The following PLCL2 variants were observed in gnomAD, a reference collection of about 807,000 sequenced individuals.
PLCL2 encodes phospholipase C like 2, also known as inactive phospholipase C-like protein 2.
In PLCL2, 4 loss-of-function variants were observed where a neutral mutation model predicts 79.6. The observed-to-expected ratio is 0.05, with a 90% CI of 0.02 to 0.11. The LOEUF (loss-of-function observed/expected upper bound fraction) is 0.11, where lower values mean the gene tolerates loss of function less well. Among genes scored for constraint, PLCL2 ranks in the 10% least tolerant of loss-of-function variants. The probability of loss-of-function intolerance (pLI) is 1.00; values close to 1 mark genes in which losing one functional copy is unlikely to be tolerated. For missense variants in PLCL2, 895 were observed against 1,291.0 expected (o/e 0.69, Z 4.70); for synonymous variants, 484 against 457.7 (o/e 1.06, Z -0.73).
At chr3:17,002,754 T>C (rs145368770) in intron 1 of PLCL2, among the ~76,000 whole-genome samples, 12 of 152,294 alleles carry the variant, frequency 7.9e-5, no homozygotes, top group African/African-American at 2.4e-4. Flanking sequence ...AGCTCTTAGA[T>C]GCTCTGTTTT....
chr3:16,909,217 T>A (rs1408479131), intron 1 of PLCL2, among the ~76,000 whole-genome samples: 1 of 152,262 alleles, frequency 6.6e-6, no homozygotes, highest in Non-Finnish European at 1.5e-5. Context: ...GAGTTTCAGT[T>A]CTTGGTGTGG....
intron 5 of PLCL2, among the ~76,000 whole-genome samples, chr3:17,074,702 C>A (rs1186643236): frequency 1.3e-5 from 2 of 152,236 alleles, no homozygotes; most frequent in East Asian, 3.8e-4. Context: ...ACTCACTGCA[C>A]CTTCTACATC....
At chr3:17,006,453 C>G (rs975598445) in intron 1 of PLCL2, among the ~76,000 whole-genome samples, 2 of 152,204 alleles carry the variant, frequency 1.3e-5, no homozygotes, top group African/African-American at 4.8e-5. Flanking sequence ...AGATTCTGGT[C>G]CACCCATTAA....
chr3:17,046,063 G>A (rs1455864493), intron 4 of PLCL2, among the ~76,000 whole-genome samples: 1 of 152,098 alleles, frequency 6.6e-6, no homozygotes, highest in East Asian at 1.9e-4. Flanking sequence ...GGGGTGATAT[G>A]GGATGCGTGA....
chr3:17,016,421 G>A (rs1409808012), intron 3 of PLCL2, among the ~76,000 whole-genome samples: 1 of 152,172 alleles, frequency 6.6e-6, no homozygotes, highest in Non-Finnish European at 1.5e-5. Context: ...CTGAATATTG[G>A]ACACTGCAAG....
At chr3:16,936,840 C>A (rs1410958867) in intron 1 of PLCL2, among the ~76,000 whole-genome samples, 1 of 151,634 alleles carries the variant, frequency 6.6e-6, no homozygotes, top group Non-Finnish European at 1.5e-5. Context: ...TCTTTTTTTT[C>A]TTCATGACAG....
chr3:17,028,414 A>G (rs1439633963), intron 3 of PLCL2, among the ~76,000 whole-genome samples: 2 of 149,542 alleles, frequency 1.3e-5, no homozygotes, highest in African/African-American at 4.9e-5. Flanking sequence ...TGTTTATGCT[A>G]TTCACCTCCT....
At chr3:17,066,754 T>C (rs1363524218) in intron 4 of PLCL2, among the ~76,000 whole-genome samples, 4 of 152,122 alleles carry the variant, frequency 2.6e-5, no homozygotes, top group African/African-American at 9.7e-5. Context: ...CACTATGCAA[T>C]TGTGTGAGAA....
intron 4 of PLCL2, among the ~76,000 whole-genome samples, chr3:17,051,868 GCCCTTGGTCA>G (rs1479240544): frequency 6.6e-6 from 1 of 152,114 alleles, no homozygotes; most frequent in African/African-American, 2.4e-5. Flanking sequence ...ATTGGACAAT[GCCCTTGGTCA>G]CCCAGAACCC....
chr3:16,980,191 G>C (rs867033861), intron 1 of PLCL2, among the ~76,000 whole-genome samples: 1 of 134,384 alleles, frequency 7.4e-6, no homozygotes, highest in Non-Finnish European at 1.6e-5. Context: ...GCCGGGCAGA[G>C]GGGCTCCTCA....
Position 16,957,446 on chromosome 3 carries a change from C to A in PLCL2, c.328-52228C>A, listed in dbSNP as rs533969506. ...CATTTGCTGAGGAGTGCTTTACTTCCAAGTATGTGGTCAATTTTGGAATAG... is the reference window on the plus strand; with the variant it reads ...CATTTGCTGAGGAGTGCTTTACTTCAAAGTATGTGGTCAATTTTGGAATAG... On this transcript the variant is annotated intron_variant, in intron 1 of 5. Coordinates refer to ENST00000615277, the MANE Select transcript of PLCL2 (RefSeq NM_001144382.2). Among the ~76,000 whole-genome samples the A allele has an allele frequency of 6.6e-5, 10 of 152,136 alleles. No individual in the cohort carries two copies. In the South Asian group the frequency reaches 1.2e-3, roughly 19 times the overall value.
chr3:17,057,994 C>T (rs930633790), intron 4 of PLCL2, among the ~76,000 whole-genome samples: 40 of 152,192 alleles, frequency 2.6e-4, no homozygotes, highest in African/African-American at 9.4e-4. Context: ...TGGAGACAGG[C>T]ATCTAAGCCA....
rs919897698 is a variant in PLCL2 at position 16,886,146 on chromosome 3, G to C, written c.327+780G>C. ...TAATATTAGGAACTCCCGAGTTTGTGTTAGTTTCATTCTAATGTTACATTT... is the reference window on the plus strand; with the variant it reads ...TAATATTAGGAACTCCCGAGTTTGTCTTAGTTTCATTCTAATGTTACATTT... On this transcript the variant is annotated intron_variant, in intron 1 of 5. Coordinates refer to ENST00000615277, the MANE Select transcript of PLCL2 (RefSeq NM_001144382.2). The surrounding 1 kb of genome is among the most constrained non-coding windows in gnomAD (Gnocchi z 4.2). Among the ~76,000 whole-genome samples the C allele has an allele frequency of 6.6e-6, 1 of 152,086 alleles. No homozygotes were observed. The highest frequency in any genetic ancestry group is 1.5e-5 in the Non-Finnish European group (1 of 68,026).
At chr3:16,947,121 A>G (rs1442681376) in intron 1 of PLCL2, among the ~76,000 whole-genome samples, 3 of 145,424 alleles carry the variant, frequency 2.1e-5, no homozygotes, top group South Asian at 2.4e-4. Flanking sequence ...ACAACTGGCT[A>G]ATTTTATTTT....
At chr3:17,061,244 C>T (rs1034131786) in intron 4 of PLCL2, among the ~76,000 whole-genome samples, 1 of 152,182 alleles carries the variant, frequency 6.6e-6, no homozygotes, top group Admixed American at 6.5e-5. Context: ...TTGGCCCTCA[C>T]TTCCTTTCAA....
intron 5 of PLCL2, chr3:17,081,115 C>T: frequency 2.2e-6 from 1 of 454,122 alleles, no homozygotes; most frequent in South Asian, 1.6e-5. Context: ...CCTTGCATCC[C>T]CTCTTTGTGG....
intron 4 of PLCL2, among the ~76,000 whole-genome samples, chr3:17,055,990 G>A (rs1031711017): frequency 2.6e-5 from 4 of 152,090 alleles, no homozygotes; most frequent in Non-Finnish European, 5.9e-5. Context: ...TGCCCTTCCC[G>A]GGGTACCTGT....
At chr3:16,902,529 C>T (rs554551295) in intron 1 of PLCL2, among the ~76,000 whole-genome samples, 3 of 152,272 alleles carry the variant, frequency 2.0e-5, no homozygotes, top group South Asian at 2.1e-4. Flanking sequence ...GTAACTTTCT[C>T]TCTAAAATGC....
At chr3:16,993,710 C>T (rs912207198) in intron 1 of PLCL2, among the ~76,000 whole-genome samples, 22 of 152,118 alleles carry the variant, frequency 1.4e-4, no homozygotes, top group African/African-American at 4.6e-4. Context: ...CATTATAATA[C>T]TTTTATGTAA....
Sources: allele counts gnomAD v4.1 joint callset (sites outside exome capture counted in the v4.1 genomes callset), GRCh38; gene constraint gnomAD v4.1.1; non-coding constraint Gnocchi (gnomAD v3.1); transcripts MANE v1.5; gene names NCBI Gene and HGNC (gene_info 2026-07-23, HGNC 2026-07-21).